Variants in VAV3 observed in about 807,000 individuals in gnomAD.
VAV3 encodes the protein vav guanine nucleotide exchange factor 3, also known as guanine nucleotide exchange factor VAV3.
VAV3 carries 94 observed loss-of-function variants against 131.2 expected under a neutral mutation model. The observed-to-expected ratio is 0.72, with a 90% CI of 0.61 to 0.85. The LOEUF is 0.85. Among genes scored for constraint, VAV3 ranks in the 40% least tolerant of loss-of-function variants. VAV3 has a pLI of 0.00. For missense variants in VAV3, 939 were observed against 1,002.7 expected (o/e 0.94, Z 0.86); for synonymous variants, 349 against 342.0 (o/e 1.02, Z -0.22).
chr1:107,879,554 G>GT lies in VAV3; in HGVS notation c.205-4538dup, dbSNP rs777120055. 2.0e-3 allele frequency among the ~76,000 whole-genome samples: 306 copies of GT among 150,944 alleles called. 1 individual carries two copies. The highest frequency in any genetic ancestry group is 3.2e-3 in the South Asian group (15 of 4,758). The stretch of plus-strand genomic sequence containing the variant: ...TGTTTTGGCACAACATTACTTGAGT[G>GT]TTTTTTTTTCCCAGTCTATTCATTC... On this transcript the variant is annotated intron_variant, in intron 1 of 26. Coordinates refer to ENST00000370056, the MANE Select transcript of VAV3 (RefSeq NM_006113.5).
chr1:107,587,901 T>G (rs1410963733), intron 25 of VAV3, among the ~76,000 whole-genome samples: 2 of 152,116 alleles, frequency 1.3e-5, no homozygotes, highest in Non-Finnish European at 2.9e-5. Context: ...CCGAGACCAG[T>G]TTTCAATTTA....
At chr1:107,785,723 G>T in intron 2 of VAV3, 1 of 965,068 alleles carries the variant, frequency 1.0e-6, no homozygotes, top group Non-Finnish European at 1.3e-6. Flanking sequence ...GAGAAATTCA[G>T]ACAGAAGCAT....
chr1:107,611,877 T>C (rs746047181), intron 21 of VAV3, among the ~76,000 whole-genome samples: 5 of 152,148 alleles, frequency 3.3e-5, no homozygotes, highest in Non-Finnish European at 7.4e-5. Flanking sequence ...TGGGGTCCTA[T>C]CCTTTTCCAT....
At chr1:107,755,647 G>T (rs1664060534) in intron 11 of VAV3, 134 bp from the exon 12 acceptor site, 1 of 623,296 alleles carries the variant, frequency 1.6e-6, no homozygotes, top group Non-Finnish European at 2.8e-6. Context: ...ACAGTAAAAT[G>T]AATGCCCAGT....
intron 19 of VAV3, among the ~76,000 whole-genome samples, chr1:107,670,557 A>G (rs1042032955): frequency 3.3e-5 from 5 of 151,924 alleles, no homozygotes; most frequent in African/African-American, 1.2e-4. Flanking sequence ...TTGTGCTTCG[A>G]TGGTGATTAA....
intron 25 of VAV3, among the ~76,000 whole-genome samples, chr1:107,593,238 T>C (rs1651108100): frequency 6.6e-6 from 1 of 152,154 alleles, no homozygotes; most frequent in Admixed American, 6.6e-5. Context: ...AAGATAGTCC[T>C]GTCATAATCT....
intron 19 of VAV3, among the ~76,000 whole-genome samples, chr1:107,665,596 A>G (rs764330440): frequency 5.3e-5 from 8 of 152,214 alleles, no homozygotes; most frequent in Non-Finnish European, 8.8e-5. Context: ...AGATACCTCA[A>G]TAATTATAGC....
intron 19 of VAV3, among the ~76,000 whole-genome samples, chr1:107,652,816 G>A (rs1656274461): frequency 6.6e-6 from 1 of 151,952 alleles, no homozygotes; most frequent in Non-Finnish European, 1.5e-5. Context: ...AATATGCTAA[G>A]TGTAACTGAC....
chr1:107,832,803 T>C (rs1571014946), intron 2 of VAV3, among the ~76,000 whole-genome samples: 1 of 152,304 alleles, frequency 6.6e-6, no homozygotes, highest in East Asian at 1.9e-4. Flanking sequence ...ATTGATTACA[T>C]TGTACAAAAT....
At chr1:107,892,510 T>C (rs903541502) in intron 1 of VAV3, among the ~76,000 whole-genome samples, 2 of 152,222 alleles carry the variant, frequency 1.3e-5, no homozygotes. Flanking sequence ...CCTTTTCTGA[T>C]TTTTCTAATT....
At chr1:107,918,768 C>T (rs1269799056) in intron 1 of VAV3, among the ~76,000 whole-genome samples, 6 of 145,540 alleles carry the variant, frequency 4.1e-5, no homozygotes, top group South Asian at 2.1e-4. Flanking sequence ...TGCAATGGTG[C>T]GATCTCAGCT....
At chr1:107,922,295 G>GTC (rs10629418) in intron 1 of VAV3, among the ~76,000 whole-genome samples, 147,435 of 152,006 alleles carry the variant, frequency 0.97, 71,659 homozygotes, top group East Asian at 1. Flanking sequence ...CTTGTTTTGT[G>GTC]TCAGTATCCA....
rs187289565 is a variant in VAV3 at position 107,803,398 on chromosome 1, C to T, written c.322-23906G>A. 3.7e-4 allele frequency among the ~76,000 whole-genome samples: 56 copies of T among 152,048 alleles called. 1 individual carries two copies. In the East Asian group the frequency reaches 0.01, roughly 27 times the overall value. On this transcript the variant is annotated intron_variant, in intron 2 of 26. Transcript: ENST00000370056. ...TGTAGGTATTTACTGCTATAAACTT[C>T]CCTCTCAGTACTGCTGTTGCTGTAT...
At chr1:107,837,815 T>C (rs904997290) in intron 2 of VAV3, among the ~76,000 whole-genome samples, 4 of 152,162 alleles carry the variant, frequency 2.6e-5, no homozygotes, top group African/African-American at 9.7e-5. Context: ...TAAATGGTAC[T>C]GGCATTACTG....
At chr1:107,610,948 C>G (rs952802497) in intron 21 of VAV3, among the ~76,000 whole-genome samples, 1 of 152,152 alleles carries the variant, frequency 6.6e-6, no homozygotes, top group Non-Finnish European at 1.5e-5. Flanking sequence ...TTTCAGAGAA[C>G]TAGCCAATGT....
intron 21 of VAV3, among the ~76,000 whole-genome samples, chr1:107,614,787 C>G (rs1165524031): frequency 6.6e-6 from 1 of 152,032 alleles, no homozygotes; most frequent in Non-Finnish European, 1.5e-5. Context: ...CTACTTTGTG[C>G]GAGACTATCC....
chr1:107,888,883 C>T (rs1473756138), intron 1 of VAV3, among the ~76,000 whole-genome samples: 1 of 152,116 alleles, frequency 6.6e-6, no homozygotes, highest in Non-Finnish European at 1.5e-5. Context: ...GGCACGCACA[C>T]TCCTCTGAAT....
chr1:107,712,133 C>T (rs1002743672), intron 15 of VAV3, among the ~76,000 whole-genome samples: 1 of 152,184 alleles, frequency 6.6e-6, no homozygotes, highest in African/African-American at 2.4e-5. Flanking sequence ...CTCTCTCACA[C>T]GCACACTTAT....
At position 107,964,887 on chromosome 1, in the gene VAV3, C is replaced by T. The variant is rs749938669; in HGVS notation, c.-18G>A. ...GGCTCCATGCCCGACGGCTCCGGGACGCGGCTGGGCCGGGGCGGGCGGCAA... is the reference window on the plus strand; with the variant it reads ...GGCTCCATGCCCGACGGCTCCGGGATGCGGCTGGGCCGGGGCGGGCGGCAA... On this transcript the variant is annotated 5_prime_UTR_variant, in exon 1 of 27. Coordinates refer to ENST00000370056, the MANE Select transcript of VAV3 (RefSeq NM_006113.5). 5.6e-6 allele frequency: 8 copies of T among 1,441,000 alleles called. No homozygotes were observed. Among genetic ancestry groups the T allele is most frequent in the Non-Finnish European group, 7.4e-6 (8 of 1,083,662 alleles). 89.3% of individuals were successfully genotyped at this position (1,441,000 alleles called of 1,614,324 possible).
Sources: allele counts gnomAD v4.1 joint callset (sites outside exome capture counted in the v4.1 genomes callset), GRCh38; gene constraint gnomAD v4.1.1; transcripts MANE v1.5; gene names NCBI Gene and HGNC (gene_info 2026-07-23, HGNC 2026-07-21).